The following POLD3 variants were observed in gnomAD, a reference collection of about 807,000 sequenced individuals.
POLD3 encodes DNA polymerase delta subunit 3.
In POLD3, 19 loss-of-function variants were observed where a neutral mutation model predicts 58.2. The ratio of observed to expected loss-of-function variants is 0.33; its 90% confidence interval spans 0.23 to 0.48. The LOEUF is 0.48. Ranked by LOEUF, POLD3 falls within the 20% of genes least tolerant of loss-of-function variation. The pLI is 0.99. For synonymous variants in POLD3, 172 were observed against 193.5 expected (o/e 0.89, Z 0.92); for missense variants, 504 against 545.5 (o/e 0.92, Z 0.76).
At chr11:74,637,484 A>G (rs537092337) in intron 11 of POLD3, among the ~76,000 whole-genome samples, 1 of 136,536 alleles carries the variant, frequency 7.3e-6, no homozygotes, top group South Asian at 2.3e-4. Context: ...GCCATTTTCA[A>G]GCCTCTTGGT....
At chr11:74,625,382 TGTC>T (rs1385575564) in intron 7 of POLD3, 23 bp from the exon 8 acceptor site, 1 of 1,563,176 alleles carries the variant, frequency 6.4e-7, no homozygotes, top group East Asian at 2.2e-5. Flanking sequence ...TGGGGTCATA[TGTC>T]GTCTGCTATA....
intron 1 of POLD3, 57 bp downstream of exon 1, chr11:74,592,775 G>C: frequency 6.2e-7 from 1 of 1,605,204 alleles, no homozygotes; most frequent in Non-Finnish European, 8.5e-7. Context: ...GGCCCGGCTA[G>C]GGCGGCGGGA....
Position 74,641,888 on chromosome 11 carries a change from G to T in POLD3, c.*1122G>T. On this transcript the variant is annotated 3_prime_UTR_variant, in exon 12 of 12. Coordinates refer to ENST00000263681, the MANE Select transcript of POLD3 (RefSeq NM_006591.3). Reference sequence around the variant, plus strand: ...ATTGTTAGTAGGTCTAAACATCAAAGAAAACATTTTTATTAGTTACTTATG... The same window carrying T: ...ATTGTTAGTAGGTCTAAACATCAAATAAAACATTTTTATTAGTTACTTATG... 1 of 985,190 alleles carries T rather than the reference G, an allele frequency of 1.0e-6. No individual in the cohort carries two copies. Among genetic ancestry groups the T allele is most frequent in the Non-Finnish European group, 1.2e-6 (1 of 829,746 alleles). 61.0% of individuals were successfully genotyped at this position (985,190 alleles called of 1,614,324 possible).
intron 2 of POLD3, among the ~76,000 whole-genome samples, chr11:74,594,409 A>G (rs1349875019): frequency 2.6e-5 from 4 of 152,214 alleles, no homozygotes. Flanking sequence ...TACATGTGCT[A>G]TAATTCTATT....
intron 4 of POLD3, 34 bp downstream of exon 4, chr11:74,611,572 C>G (rs916928846): frequency 3.2e-6 from 4 of 1,263,400 alleles, no homozygotes; most frequent in Admixed American, 3.7e-5. Flanking sequence ...AGTTTTTCCT[C>G]TTATGGCATC....
chr11:74,604,529 T>TC, intron 2 of POLD3, 163 bp from the exon 3 acceptor site: 1 of 574,610 alleles, frequency 1.7e-6, no homozygotes, highest in East Asian at 2.9e-5. Context: ...CTGAAGTCCA[T>TC]CCTTTTTTTT....
At chr11:74,610,506 G>A (rs2031874197) in intron 3 of POLD3, among the ~76,000 whole-genome samples, 1 of 152,106 alleles carries the variant, frequency 6.6e-6, no homozygotes, top group Non-Finnish European at 1.5e-5. Context: ...GCCACATCTG[G>A]CCTTTCTTGC....
At chr11:74,658,715 C>T (rs745733594) in intron 4 of POLD3, among the ~76,000 whole-genome samples, 1 of 152,228 alleles carries the variant, frequency 6.6e-6, no homozygotes, top group Non-Finnish European at 1.5e-5. Context: ...TTTAAAGCTA[C>T]AAAATGATCT....
intron 9 of POLD3, among the ~76,000 whole-genome samples, chr11:74,632,968 GTC>G (rs1366417961): frequency 2.0e-5 from 3 of 148,070 alleles, no homozygotes; most frequent in Non-Finnish European, 3.0e-5. Context: ...AAATCGTGGT[GTC>G]TCTGCCTTTT....
At chr11:74,633,474 C>T (rs1035464238) in intron 9 of POLD3, among the ~76,000 whole-genome samples, 39 of 152,134 alleles carry the variant, frequency 2.6e-4, no homozygotes, top group Non-Finnish European at 5.9e-5. Context: ...GAACTCTTCA[C>T]TGTCATAATT....
chr11:74,649,866 A>T (rs2033046263), intron 4 of POLD3, among the ~76,000 whole-genome samples: 1 of 152,090 alleles, frequency 6.6e-6, no homozygotes, highest in African/African-American at 2.4e-5. Context: ...AGAGAGAGAG[A>T]TACTTACATT....
rs561322763 is a variant in POLD3 at position 74,596,732 on chromosome 11, T to C, written c.116+2616T>C. 1.4e-4 allele frequency among the ~76,000 whole-genome samples: 22 copies of C among 152,326 alleles called. No individual in the cohort carries two copies. The East Asian group carries it at 3.9e-3, about 27-fold the overall frequency. ...ACTTATTCCTGTCTAACTGTAATTA[T>C]GTATCCTTTAGACCCACATCTCCCC... On this transcript the variant is annotated intron_variant, in intron 2 of 11. Transcript: ENST00000263681.
chr11:74,664,954 G>C (rs2033248491), intron 4 of POLD3, among the ~76,000 whole-genome samples: 2 of 150,904 alleles, frequency 1.3e-5, no homozygotes, highest in Admixed American at 7.0e-5. Context: ...ACAAAACTTA[G>C]CCAGACATGG....
chr11:74,615,044 A>G (rs1052923154), intron 5 of POLD3, among the ~76,000 whole-genome samples: 4 of 152,226 alleles, frequency 2.6e-5, no homozygotes, highest in Non-Finnish European at 4.4e-5. Context: ...GGGCCATAGC[A>G]GTAGATAGAG....
intron 11 of POLD3, among the ~76,000 whole-genome samples, chr11:74,640,196 G>T (rs1240268003): frequency 6.6e-6 from 1 of 152,198 alleles, no homozygotes; most frequent in Non-Finnish European, 1.5e-5. Flanking sequence ...GGAGTTAGAA[G>T]TAAGTGTTTA....
chr11:74,619,960 A>T, intron 6 of POLD3, 57 bp from the exon 7 acceptor site: 1 of 1,338,098 alleles, frequency 7.5e-7, no homozygotes, highest in Non-Finnish European at 1.1e-6. Flanking sequence ...TGAGACTGCT[A>T]CTTCATGAAC....
At chr11:74,629,699 G>C (rs2032536561) in intron 9 of POLD3, among the ~76,000 whole-genome samples, 1 of 151,696 alleles carries the variant, frequency 6.6e-6, no homozygotes, top group Non-Finnish European at 1.5e-5. Context: ...GGTCCACACA[G>C]GTAAAACTAG....
intron 5 of POLD3, among the ~76,000 whole-genome samples, chr11:74,613,888 A>T (rs1190421946): frequency 6.6e-6 from 1 of 152,170 alleles, no homozygotes; most frequent in Non-Finnish European, 1.5e-5. Context: ...CTTATCTCCC[A>T]CTTTTGGATG....
chr11:74,669,314 G>A (rs2033311434), downstream of POLD3, among the ~76,000 whole-genome samples: 1 of 152,210 alleles, frequency 6.6e-6, no homozygotes, highest in Non-Finnish European at 1.5e-5. Flanking sequence ...GATGCAGGAG[G>A]CCAATAAAAT....
Sources: allele counts gnomAD v4.1 joint callset (sites outside exome capture counted in the v4.1 genomes callset), GRCh38; gene constraint gnomAD v4.1.1; transcripts MANE v1.5; gene names NCBI Gene and HGNC (gene_info 2026-07-23, HGNC 2026-07-21).